The following MTCL1 variants were observed in gnomAD, a reference collection of about 807,000 sequenced individuals.
MTCL1 encodes microtubule crosslinking factor 1.
MTCL1 carries 79 observed loss-of-function variants against 141.4 expected under a neutral mutation model. That is an observed-to-expected ratio of 0.56 (90% CI 0.47 to 0.67). MTCL1 has a LOEUF of 0.67. MTCL1 is among the 30% of genes least tolerant of loss of function. The probability of loss-of-function intolerance (pLI) is 0.00; values close to 1 mark genes in which losing one functional copy is unlikely to be tolerated. For missense variants in MTCL1, 2,177 were observed against 2,113.9 expected, an observed-to-expected ratio of 1.03 and a Z score of -0.59; for synonymous variants, 914 against 875.8, an observed-to-expected ratio of 1.04 and a Z score of -0.77.
chr18:8,787,158 A>C (rs35013462), intron 7 of MTCL1: 24,552 of 152,276 alleles, frequency 0.16, 2,238 homozygotes, highest in East Asian at 0.32. Flanking sequence ...GCATAGCTTC[A>C]GAAACTGGGA....
chr18:8,720,541 G>A (rs1210764900), intron 4 of MTCL1, 45 bp downstream of exon 3: 1 of 1,574,298 alleles, frequency 6.4e-7, no homozygotes, highest in Non-Finnish European at 8.6e-7. Flanking sequence ...ATTTAATAAG[G>A]AGGAGCTTGG....
intron 4 of MTCL1, among the ~76,000 whole-genome samples, chr18:8,753,056 G>T (rs971105624): frequency 5.3e-5 from 8 of 152,234 alleles, no homozygotes; most frequent in Non-Finnish European, 1.0e-4. Flanking sequence ...GTGGCCTCAA[G>T]CAGAGCCACA....
chr18:8,761,463 C>T (rs2096432122), intron 4 of MTCL1, among the ~76,000 whole-genome samples: 1 of 152,222 alleles, frequency 6.6e-6, no homozygotes, highest in Non-Finnish European at 1.5e-5. Flanking sequence ...TCATCTCAGA[C>T]AGAAGCTCAT....
rs1472991399 is a variant in MTCL1 at position 8,745,969 on chromosome 18, A to G, written c.357+25473A>G. 2.0e-5 allele frequency among the ~76,000 whole-genome samples: 3 copies of G among 152,168 alleles called. No individual in the cohort carries two copies. The East Asian group carries it at 5.8e-4, about 29-fold the overall frequency. ...GAAACTGCTATTCTGTGTACCTCAT[A>G]TAATTGGAATCATACAGTATTTGTC... On this transcript the variant is annotated intron_variant, in intron 4 of 16. Transcript: ENST00000359865.
At chr18:8,778,603 G>A (rs1568014695) in intron 5 of MTCL1, among the ~76,000 whole-genome samples, 1 of 152,170 alleles carries the variant, frequency 6.6e-6, no homozygotes, top group Non-Finnish European at 1.5e-5. Flanking sequence ...CCCTCTGAAG[G>A]ATCCCCTGGG....
intron 8 of MTCL1, among the ~76,000 whole-genome samples, chr18:8,796,005 A>G (rs936488620): frequency 2.6e-5 from 4 of 152,196 alleles, no homozygotes; most frequent in Non-Finnish European, 5.9e-5. Flanking sequence ...AATGATCATA[A>G]TACCTTATTT....
Position 8,775,368 on chromosome 18 carries a change from C to T in MTCL1, c.358-2465C>T, listed in dbSNP as rs190042205. Among the ~76,000 whole-genome samples the T allele has an allele frequency of 1.5e-3, 222 of 147,864 alleles. 4 individuals carry two copies. Among genetic ancestry groups the T allele is most frequent in the African/African-American group, 5.3e-3 (210 of 39,670 alleles). ...GGTGGATCACCTGAGGTCAGGAGTT[C>T]GAGACCAGCCTGGCCAACATGGTGA... On this transcript the variant is annotated intron_variant, in intron 4 of 16. Coordinates refer to ENST00000359865, the Ensembl canonical transcript of MTCL1.
chr18:8,719,972 T>TGGTGATCATCTGTGAG lies in MTCL1; in HGVS notation c.199-363_199-348dup, dbSNP rs2096157728. 3 of 181,934 alleles carry TGGTGATCATCTGTGAG rather than the reference T, an allele frequency of 1.6e-5. No individual in the cohort carries two copies. In the South Asian group the frequency reaches 4.5e-4, roughly 27 times the overall value. The allele number at this position is 181,934 out of a possible 1,614,324, so 11.3% of individuals were successfully genotyped here. ...TGAGCTTGGGCAGAATTGGCATGGT[T>TGGTGATCATCTGTGAG]GGTGATCATCTGTGAGGGAGGAGGG... On this transcript the variant is annotated intron_variant, in intron 3 of 16. Transcript: ENST00000359865.
chr18:8,760,516 G>A (rs1451940243), intron 4 of MTCL1, among the ~76,000 whole-genome samples: 1 of 152,240 alleles, frequency 6.6e-6, no homozygotes, highest in African/African-American at 2.4e-5. Context: ...CTGCTAGGAA[G>A]CAAATGTTAG....
rs931188572 is a variant in MTCL1 at position 8,741,729 on chromosome 18, G to T, written c.357+21233G>T. On this transcript the variant is annotated intron_variant, in intron 4 of 16. Transcript: ENST00000359865. ...TACGGTAAATGATGATGTGCTTGCTGTTCGGGAGTTTATTTCTCAGTGGAC... is the reference window on the plus strand; with the variant it reads ...TACGGTAAATGATGATGTGCTTGCTTTTCGGGAGTTTATTTCTCAGTGGAC... Among the ~76,000 whole-genome samples, 4 of 152,196 alleles carry T rather than the reference G, an allele frequency of 2.6e-5. No individual in the cohort carries two copies. In the East Asian group the frequency reaches 7.7e-4, roughly 29 times the overall value.
At chr18:8,776,451 T>C (rs576577932) in intron 4 of MTCL1, among the ~76,000 whole-genome samples, 1 of 152,324 alleles carries the variant, frequency 6.6e-6, no homozygotes, top group East Asian at 1.9e-4. Flanking sequence ...CCTTCACTCA[T>C]ACTCCTGTTT....
intron 5 of MTCL1, among the ~76,000 whole-genome samples, chr18:8,778,949 C>T (rs1015331519): frequency 5.5e-4 from 84 of 152,320 alleles, no homozygotes; most frequent in South Asian, 2.1e-4. Flanking sequence ...GCTCCTTGGG[C>T]GCGTGTCAGA....
chr18:8,793,481 T>C (rs1473342412), intron 8 of MTCL1, among the ~76,000 whole-genome samples: 10 of 152,222 alleles, frequency 6.6e-5, no homozygotes, highest in African/African-American at 2.2e-4. Context: ...AATTTTCCGA[T>C]AGAAAAATCA....
chr18:8,791,669 C>T (rs1040063677), intron 7 of MTCL1, among the ~76,000 whole-genome samples: 12 of 151,992 alleles, frequency 7.9e-5, no homozygotes, highest in Non-Finnish European at 1.5e-4. Context: ...AAATAATAGA[C>T]CTTTTGGAAA....
At chr18:8,722,645 C>T (rs1430437052) in intron 4 of MTCL1, among the ~76,000 whole-genome samples, 1 of 152,138 alleles carries the variant, frequency 6.6e-6, no homozygotes, top group Non-Finnish European at 1.5e-5. Context: ...TAAAGGTCTT[C>T]ATGCTCATAG....
At chr18:8,731,799 C>G (rs2096252041) in intron 4 of MTCL1, among the ~76,000 whole-genome samples, 1 of 152,058 alleles carries the variant, frequency 6.6e-6, no homozygotes, top group Admixed American at 6.5e-5. Context: ...ACCTCTGCCT[C>G]CCAGGTTCAA....
intron 4 of MTCL1, among the ~76,000 whole-genome samples, chr18:8,738,720 A>T (rs961049112): frequency 2.6e-5 from 4 of 152,210 alleles, no homozygotes; most frequent in Admixed American, 6.5e-5. Context: ...ATAAGGACGC[A>T]CTGCTTTGAG....
At chr18:8,708,512 G>A (rs2096069817) in intron 1 of MTCL1, among the ~76,000 whole-genome samples, 1 of 152,170 alleles carries the variant, frequency 6.6e-6, no homozygotes, top group East Asian at 1.9e-4. Flanking sequence ...ACCTAAAACA[G>A]AAATGACTTG....
intron 11 of MTCL1, chr18:8,809,894 G>A (rs1482030437): frequency 2.9e-6 from 1 of 350,286 alleles, no homozygotes; most frequent in African/African-American, 2.1e-5. Flanking sequence ...GTGGGAGGCA[G>A]GGCCATGGAG....
Sources: gnomAD v4.1 joint callset for allele counts (sites outside exome capture counted in the v4.1 genomes callset) on GRCh38, gnomAD v4.1.1 for gene constraint, MANE v1.5 for transcripts, NCBI Gene and HGNC (gene_info 2026-07-23, HGNC 2026-07-21) for gene names.